Variants in DLGAP2 observed in about 807,000 individuals in gnomAD.
DLGAP2 encodes disks large-associated protein 2.
Under a neutral mutation model 100.3 loss-of-function variants are expected in DLGAP2, and 26 were observed. The ratio of observed to expected loss-of-function variants is 0.26; its 90% confidence interval spans 0.19 to 0.36. The LOEUF is 0.36. DLGAP2 is among the 10% of genes least tolerant of loss of function. DLGAP2 has a pLI of 1.00. For missense variants in DLGAP2, 1,858 were observed against 1,453.2 expected (o/e 1.28, Z -4.53); for synonymous variants, 886 against 630.1 (o/e 1.41, Z -6.08).
chr8:1,493,293 G>T lies in DLGAP2; in HGVS notation c.107-8073G>T, dbSNP rs1383459118. ...CTGAGACACGCCTCTGTGGACGGAG[G>T]GCACAGACGGCTGCCTCCATCTCCG... On this transcript the variant is annotated intron_variant, in intron 3 of 14. Transcript: ENST00000637795. Among the ~76,000 whole-genome samples the T allele has an allele frequency of 4.0e-5, 6 of 151,540 alleles. No homozygotes were observed. In the South Asian group the frequency reaches 1.0e-3, roughly 26 times the overall value.
At chr8:1,481,078 A>C (rs1799078915) in intron 3 of DLGAP2, among the ~76,000 whole-genome samples, 1 of 152,158 alleles carries the variant, frequency 6.6e-6, no homozygotes, top group South Asian at 2.1e-4. Flanking sequence ...AGGCTGAGGC[A>C]GGAGAATGGC....
chr8:1,540,201 T>C (rs1465434820), intron 4 of DLGAP2, among the ~76,000 whole-genome samples: 3 of 152,162 alleles, frequency 2.0e-5, no homozygotes, highest in Admixed American at 2.0e-4. Flanking sequence ...CCCACCACAC[T>C]TGTCCCAGCG....
Position 1,549,158 on chromosome 8 carries a change from C to T in DLGAP2, c.705C>T (p.Ser235=), listed in dbSNP as rs759702117. The T allele has an allele frequency of 4.4e-6, 7 of 1,596,658 alleles. No homozygotes were observed. Among genetic ancestry groups the T allele is most frequent in the Admixed American group, 1.7e-5 (1 of 57,192 alleles). ...GGCGGATCCGCCACCTGGTACACTC[C>T]GTGCAGAAGCTCTTCACCAAGTCGC... ...SPGRIRHLVH[S]VQKLFTKSHS... is the part of the protein sequence containing the mutation. Residue 235 remains serine (S), a synonymous_variant, in exon 5 of 15, where the codon TCC becomes TCT. Transcript: ENST00000637795.
intron 3 of DLGAP2, among the ~76,000 whole-genome samples, chr8:1,411,065 G>A (rs899567651): frequency 1.1e-4 from 17 of 152,062 alleles, no homozygotes; most frequent in Admixed American, 3.3e-4. Flanking sequence ...AAGTGTCACC[G>A]TGGAAAGCTA....
intron 2 of DLGAP2, among the ~76,000 whole-genome samples, chr8:1,191,359 A>T (rs1252920123): frequency 1.3e-5 from 2 of 151,854 alleles, no homozygotes; most frequent in Admixed American, 6.6e-5. Context: ...TTTGGTAGAG[A>T]CGGGATTTCA....
At chr8:1,251,280 C>G (rs1799034326) in intron 2 of DLGAP2, among the ~76,000 whole-genome samples, 1 of 152,108 alleles carries the variant, frequency 6.6e-6, no homozygotes, top group Admixed American at 6.5e-5. Context: ...TAGCATAGTA[C>G]CTGACACAAG....
rs146850617 is a variant in DLGAP2, at chr8:764,607, A to G, written c.18+26782A>G. On this transcript the variant is annotated intron_variant, in intron 1 of 14. Coordinates refer to ENST00000637795, the MANE Select transcript of DLGAP2 (RefSeq NM_001346810.2). ...CTCTTCTCAGTTTTATTGTTAGGTA[A>G]TAAAAAATCACCCTCATGTTATTGA... 1.2e-4 allele frequency among the ~76,000 whole-genome samples: 19 copies of G among 152,302 alleles called. No homozygotes were observed. The East Asian group carries it at 3.1e-3, about 25-fold the overall frequency.
intron 2 of DLGAP2, among the ~76,000 whole-genome samples, chr8:928,231 T>C (rs566648098): frequency 6.6e-6 from 1 of 152,332 alleles, no homozygotes; most frequent in African/African-American, 2.4e-5. Context: ...TTCCTGGACA[T>C]GATTCCCTGA....
intron 2 of DLGAP2, among the ~76,000 whole-genome samples, chr8:1,166,726 A>G (rs1056097057): frequency 6.6e-6 from 1 of 152,198 alleles, no homozygotes; most frequent in Admixed American, 6.5e-5. Flanking sequence ...AAAACATCAC[A>G]GTTTACCTCT....
At chr8:753,126 G>A (rs1047454721) in intron 1 of DLGAP2, among the ~76,000 whole-genome samples, 4 of 152,246 alleles carry the variant, frequency 2.6e-5, no homozygotes, top group Non-Finnish European at 4.4e-5. Flanking sequence ...AGGGTTCTGA[G>A]AAGCCAGGAG....
chr8:1,683,991 T>C (rs1338773678), intron 12 of DLGAP2, among the ~76,000 whole-genome samples: 4 of 128,620 alleles, frequency 3.1e-5, no homozygotes. Context: ...TATATATACT[T>C]TTTTTTTTAA....
intron 1 of DLGAP2, among the ~76,000 whole-genome samples, chr8:807,203 G>A (rs1286503771): frequency 3.9e-5 from 6 of 152,180 alleles, no homozygotes; most frequent in Non-Finnish European, 7.3e-5. Flanking sequence ...CTGGTGTGAT[G>A]CAAAGGTACT....
chr8:1,324,072 C>G (rs565567161), intron 3 of DLGAP2, among the ~76,000 whole-genome samples: 10 of 152,292 alleles, frequency 6.6e-5, no homozygotes, highest in South Asian at 2.1e-4. Context: ...AAGGCTGAAG[C>G]TATGTCTCTA....
chr8:1,299,334 C>T (rs1800274003), intron 3 of DLGAP2, among the ~76,000 whole-genome samples: 1 of 152,178 alleles, frequency 6.6e-6, no homozygotes, highest in African/African-American at 2.4e-5. Context: ...AGTGGTGTCT[C>T]CACCATACAA....
chr8:1,128,274 C>T (rs1297710756), intron 2 of DLGAP2, among the ~76,000 whole-genome samples: 12 of 150,406 alleles, frequency 8.0e-5, no homozygotes, highest in African/African-American at 2.9e-4. Flanking sequence ...GGACCTGCTC[C>T]CGGTGTTGTG....
intron 2 of DLGAP2, among the ~76,000 whole-genome samples, chr8:1,173,607 C>T (rs1797180779): frequency 6.6e-6 from 1 of 152,168 alleles, no homozygotes; most frequent in African/African-American, 2.4e-5. Flanking sequence ...CTCCCCCAGC[C>T]TCCCTGCCGC....
chr8:1,218,675 T>G (rs1798259235), intron 2 of DLGAP2, among the ~76,000 whole-genome samples: 1 of 152,282 alleles, frequency 6.6e-6, no homozygotes, highest in South Asian at 2.1e-4. Flanking sequence ...AAAATCATGT[T>G]GGTAGTTTGA....
intron 3 of DLGAP2, among the ~76,000 whole-genome samples, chr8:1,298,240 G>A (rs1191950371): frequency 1.3e-5 from 2 of 152,140 alleles, no homozygotes; most frequent in African/African-American, 4.8e-5. Context: ...TCTTATTTCA[G>A]CATCTTTATA....
At chr8:797,790 G>T (rs575558024) in intron 1 of DLGAP2, among the ~76,000 whole-genome samples, 2 of 152,066 alleles carry the variant, frequency 1.3e-5, no homozygotes, top group African/African-American at 4.8e-5. Flanking sequence ...CACTCTTATT[G>T]CCCAGGCTGG....
Sources: gnomAD v4.1 joint callset for allele counts (sites outside exome capture counted in the v4.1 genomes callset) on GRCh38, gnomAD v4.1.1 for gene constraint, MANE v1.5 for transcripts, NCBI Gene and HGNC (gene_info 2026-07-23, HGNC 2026-07-21) for gene names.